Variants in HYLS1 observed in about 807,000 individuals in gnomAD.
HYLS1 encodes the protein HYLS1 centriolar and ciliogenesis associated, also known as centriolar and ciliogenesis-associated protein HYLS1.
A neutral mutation model predicts 29.4 loss-of-function variants in HYLS1; 25 were observed. That is an observed-to-expected ratio of 0.85 (90% CI 0.62 to 1.19). HYLS1 has a LOEUF of 1.19. Among genes scored for constraint, HYLS1 ranks in the 50% most tolerant of loss-of-function variants. The pLI is 0.00. For missense variants in HYLS1, 352 were observed against 365.1 expected (o/e 0.96, Z 0.29); for synonymous variants, 128 against 126.7 (o/e 1.01, Z -0.07).
In HYLS1 at chr11:125,888,477, T is replaced by C. The variant is rs1591492416; in HGVS notation, c.-76+712T>C. On this transcript the variant is annotated intron_variant, in intron 1 of 2. Transcript: ENST00000425380. The stretch of plus-strand genomic sequence containing the variant: ...CTAGAGGGCAGTTTGGCATTATAAA[T>C]CAGAATTCAGGCCGGGCGCGGTGGC... Among the ~76,000 whole-genome samples the C allele has an allele frequency of 1.3e-5, 2 of 152,006 alleles. 1 individual carries two copies. Among genetic ancestry groups the C allele is most frequent in the Non-Finnish European group, 2.9e-5 (2 of 68,014 alleles).
chr11:125,890,938 A>G (rs1219921448), intron 1 of HYLS1, among the ~76,000 whole-genome samples: 1 of 152,188 alleles, frequency 6.6e-6, no homozygotes, highest in Admixed American at 6.5e-5. Context: ...CCATTAAAAA[A>G]AAAAACTAAC....
chr11:125,900,362 C>T lies in HYLS1; in HGVS notation c.*94C>T, dbSNP rs912127123. On this transcript the variant is annotated 3_prime_UTR_variant, in exon 3 of 3. Coordinates refer to ENST00000425380, the MANE Select transcript of HYLS1 (RefSeq NM_001134793.2). Reference sequence around the variant, plus strand: ...GAAACAACTGTCTTGAGAAGCTCTTCGAAACATTTTATGGTAAGGACTTCA... The same window carrying T: ...GAAACAACTGTCTTGAGAAGCTCTTTGAAACATTTTATGGTAAGGACTTCA... The T allele has an allele frequency of 1.9e-5, 23 of 1,235,848 alleles. No homozygotes were observed. Among genetic ancestry groups the T allele is most frequent in the East Asian group, 4.7e-5 (2 of 42,132 alleles). The allele number at this position is 1,235,848 out of a possible 1,614,324, so 76.6% of individuals were successfully genotyped here. A position where few individuals can be genotyped will look rare whatever the true frequency, so the allele number is the denominator to read the frequency against.
At chr11:125,899,267 A>T (rs1944683278) in intron 2 of HYLS1, 77 bp from the exon 3 acceptor site, 1 of 1,005,484 alleles carries the variant, frequency 9.9e-7, no homozygotes, top group Non-Finnish European at 1.5e-6. Flanking sequence ...GACTGCTATA[A>T]AACGGAGATA....
chr11:125,894,201 T>C (rs769619636), intron 2 of HYLS1: 1 of 1,614,098 alleles, frequency 6.2e-7, no homozygotes, highest in South Asian at 1.1e-5. Flanking sequence ...TGGGTAATAT[T>C]GAACTCCTGA....
At chr11:125,893,644 G>T (rs938067168) in intron 2 of HYLS1, 7 of 653,296 alleles carry the variant, frequency 1.1e-5, no homozygotes, top group Non-Finnish European at 1.7e-5. Context: ...TTCCTTAATA[G>T]GGCTTTAGTC....
rs765439953 is a variant in HYLS1, at chr11:125,899,799, A to C, written c.431A>C (p.Lys144Thr). 6.8e-6 allele frequency: 11 copies of C among 1,614,056 alleles called. No individual in the cohort carries two copies. The African/African-American group carries it at 1.2e-4, about 18-fold the overall frequency. The change falls in exon 3 of 3, where the codon AAG becomes ACG. Residue 144 changes from lysine to threonine, a missense_variant. Transcript: ENST00000425380. ...RLMNVQFQEDKESSFDVSQKF... is the reference protein window; with the variant it reads ...RLMNVQFQEDTESSFDVSQKF... ...ATGAATGTACAGTTCCAGGAAGACA[A>C]GGAATCTTCATTTGATGTTTCACAA... is the stretch of plus-strand genomic sequence containing the variant.
At chr11:125,889,804 G>C (rs1388038348) in intron 1 of HYLS1, among the ~76,000 whole-genome samples, 1 of 152,188 alleles carries the variant, frequency 6.6e-6, no homozygotes, top group Non-Finnish European at 1.5e-5. Flanking sequence ...CCAACACACA[G>C]GGCATAATAA....
rs777332169 is a variant in HYLS1, at chr11:125,899,867, C to G, written c.499C>G (p.Gln167Glu). 5.8e-5 allele frequency: 94 copies of G among 1,614,076 alleles called. No individual in the cohort carries two copies. The highest frequency in any genetic ancestry group is 7.9e-5 in the Non-Finnish European group (93 of 1,180,034). Residue 167 changes from glutamine to glutamate, a missense_variant, in exon 3 of 3, where the codon CAG (glutamine) becomes GAG (glutamate). Coordinates refer to ENST00000425380, the MANE Select transcript of HYLS1 (RefSeq NM_001134793.2). Reference protein sequence around the residue: ...PHEYQGISQDQLICSLQREGM... With the variant: ...PHEYQGISQDELICSLQREGM... ...TGAATACCAAGGAATTTCTCAAGATCAGCTCATTTGCTCTCTACAAAGAGA... is the reference window on the plus strand; with the variant it reads ...TGAATACCAAGGAATTTCTCAAGATGAGCTCATTTGCTCTCTACAAAGAGA...
chr11:125,898,901 G>A lies in HYLS1; in HGVS notation c.-25-443G>A, dbSNP rs561672529. Among the ~76,000 whole-genome samples the A allele has an allele frequency of 2.1e-4, 32 of 152,056 alleles. 3 individuals are homozygous for A. Among genetic ancestry groups the A allele is most frequent in the Admixed American group, 6.6e-5 (1 of 15,266 alleles). ...CTTGGGCAAGTTATTTAACTTCCCTGTGCCTCATGTTATTCATCTGTGAAA... is the reference window on the plus strand; with the variant it reads ...CTTGGGCAAGTTATTTAACTTCCCTATGCCTCATGTTATTCATCTGTGAAA... On this transcript the variant is annotated intron_variant, in intron 2 of 2. Coordinates refer to ENST00000425380, the MANE Select transcript of HYLS1 (RefSeq NM_001134793.2).
chr11:125,887,451 T>A (rs1028311565), upstream of HYLS1: 6 of 152,250 alleles, frequency 3.9e-5, no homozygotes, highest in African/African-American at 1.4e-4. Context: ...CTAGGCGGGC[T>A]CGGATATTTT....
intron 1 of HYLS1, among the ~76,000 whole-genome samples, chr11:125,890,206 A>G (rs1258583998): frequency 1.3e-5 from 2 of 151,956 alleles, no homozygotes; most frequent in African/African-American, 4.8e-5. Flanking sequence ...TCAGCCTCCA[A>G]AGTGCTGGAA....
upstream of HYLS1, among the ~76,000 whole-genome samples, chr11:125,885,904 G>C (rs1237541237): frequency 1.3e-5 from 2 of 152,144 alleles, no homozygotes; most frequent in African/African-American, 2.4e-5. Flanking sequence ...TCTAATGCCT[G>C]ATGATCTGTC....
chr11:125,883,874 CA>C (rs888959930), upstream of HYLS1: 13 of 144,556 alleles, frequency 9.0e-5, no homozygotes, highest in South Asian at 2.2e-4. Flanking sequence ...GACTCTGTCT[CA>C]AAAAAAAAAG....
rs139004406 is a variant in HYLS1 at position 125,900,111 on chromosome 11, G to C, written c.743G>C (p.Arg248Pro). ...GGTGTCCGAGAGCAGATGCTTTGTC[G>C]AGCAGAACCCCAATCCAAACCTCAG... The part of the protein sequence containing the change: ...RWGVREQMLC[R>P]AEPQSKPQHI... The change falls in exon 3 of 3, where the codon CGA becomes CCA. Residue 248 changes from arginine to proline, a missense_variant. Physicochemically the swap from Arg to Pro is moderately radical, Grantham distance 103. Coordinates refer to ENST00000425380, the MANE Select transcript of HYLS1 (RefSeq NM_001134793.2). 11 of 1,614,098 alleles carry C rather than the reference G, an allele frequency of 6.8e-6. No homozygotes were observed. In the African/African-American group the frequency reaches 1.2e-4, roughly 18 times the overall value.
rs1270685511 is a variant in HYLS1, at chr11:125,894,018, C to T, written c.-26+2546C>T. The T allele has an allele frequency of 8.1e-6, 13 of 1,614,034 alleles. No homozygotes were observed. The highest frequency in any genetic ancestry group is 1.0e-5 in the Non-Finnish European group (12 of 1,180,020). On this transcript the variant is annotated intron_variant, in intron 2 of 2. Transcript: ENST00000425380. ...GGCTTATATGTGCGCATCTTCACTC[C>T]TTCTACAAAGGCACTGGTCTGCTTT... is the stretch of plus-strand genomic sequence containing the variant.
At chr11:125,895,576 A>T (rs1944556980) in intron 2 of HYLS1, 1 of 1,614,130 alleles carries the variant, frequency 6.2e-7, no homozygotes, top group Admixed American at 1.7e-5. Flanking sequence ...CGAGGGAAAA[A>T]ATAGCGGTAA....
At chr11:125,886,613 T>C (rs1591490841), upstream of HYLS1, among the ~76,000 whole-genome samples, 1 of 129,468 alleles carries the variant, frequency 7.7e-6, no homozygotes, top group African/African-American at 3.1e-5. Context: ...CAGGTACAGA[T>C]GCAAAAAGAG....
intron 2 of HYLS1, chr11:125,899,060 G>A (rs1944677693): frequency 6.0e-6 from 2 of 335,962 alleles, no homozygotes; most frequent in Non-Finnish European, 5.5e-6. Flanking sequence ...ATATCATGTA[G>A]TTTCAAGCTT....
rs11382127 is a variant in HYLS1, at chr11:125,891,483, GAAAAAAA to G, written c.-26+22_-26+28del. ...ATACATTGAAATAAGGTAAGAAATT[GAAAAAAA>G]AAAAAAAAAACCTTGGTTTGCACTT... On this transcript the variant is annotated intron_variant, in intron 2 of 2. Transcript: ENST00000425380. The G allele has an allele frequency of 9.3e-6, 1 of 107,274 alleles. No individual in the cohort carries two copies. The highest frequency in any genetic ancestry group is 1.7e-5 in the Non-Finnish European group (1 of 57,298). 6.6% of individuals were successfully genotyped at this position (107,274 alleles called of 1,614,324 possible).
Sources: gnomAD v4.1 joint callset for allele counts (sites outside exome capture counted in the v4.1 genomes callset) on GRCh38, gnomAD v4.1.1 for gene constraint, MANE v1.5 for transcripts, NCBI Gene and HGNC (gene_info 2026-07-23, HGNC 2026-07-21) for gene names.